PATJ: variants seen among roughly 807,000 people sequenced by gnomAD.
PATJ encodes PATJ crumbs cell polarity complex component, also known as inaD-like protein.
PATJ carries 190 observed loss-of-function variants against 224.9 expected under a neutral mutation model. That is an observed-to-expected ratio of 0.84 (90% CI 0.75 to 0.95). The LOEUF is 0.95. PATJ is among the 40% of genes least tolerant of loss of function. The pLI is 0.00. For missense variants in PATJ, 2,121 were observed against 2,270.3 expected (o/e 0.93, Z 1.34); for synonymous variants, 769 against 820.3 (o/e 0.94, Z 1.07).
intron 8 of PATJ, among the ~76,000 whole-genome samples, chr1:61,788,872 C>T (rs764727726): frequency 2.0e-5 from 3 of 152,188 alleles, no homozygotes; most frequent in Non-Finnish European, 4.4e-5. Flanking sequence ...TGGAGTTTCT[C>T]CATGTTGGTC....
At chr1:61,900,646 G>A (rs1477933545) in intron 23 of PATJ, among the ~76,000 whole-genome samples, 1 of 152,026 alleles carries the variant, frequency 6.6e-6, no homozygotes, top group Non-Finnish European at 1.5e-5. Context: ...CTGGAGTGCA[G>A]TGGCGCAATC....
At chr1:61,921,708 T>C (rs925961777) in intron 26 of PATJ, among the ~76,000 whole-genome samples, 6 of 152,088 alleles carry the variant, frequency 3.9e-5, no homozygotes, top group Admixed American at 6.6e-5. Flanking sequence ...TGGATGATTA[T>C]ATTTGTAAAA....
Position 61,959,426 on chromosome 1 carries a change from T to TTTTTTTC in PATJ, c.3671-30736_3671-30735insCTTTTTT, listed in dbSNP as rs1553221693. On this transcript the variant is annotated intron_variant, in intron 27 of 43. Transcript: ENST00000642238. ...ATATATATATTATATATATAATATA[T>TTTTTTTC]TTTTTTTCTTTTCTTTTTTTTTTTT... Among the ~76,000 whole-genome samples, 70 of 99,668 alleles carry TTTTTTTC rather than the reference T, an allele frequency of 7.0e-4. 1 individual carries two copies. Among genetic ancestry groups the TTTTTTTC allele is most frequent in the African/African-American group, 2.5e-3 (69 of 27,660 alleles). 65.4% of individuals were successfully genotyped at this position (99,668 alleles called of 152,430 possible).
intron 28 of PATJ, among the ~76,000 whole-genome samples, chr1:62,003,205 A>G (rs1645894179): frequency 1.3e-5 from 2 of 152,220 alleles, no homozygotes; most frequent in Non-Finnish European, 2.9e-5. Flanking sequence ...TCATTTGGTC[A>G]AGTGAAACAG....
intron 29 of PATJ, among the ~76,000 whole-genome samples, chr1:62,030,793 G>A (rs1271483077): frequency 1.3e-5 from 2 of 151,994 alleles, no homozygotes; most frequent in African/African-American, 4.8e-5. Flanking sequence ...TTTGTGTCTG[G>A]TTTCTTTCAT....
intron 31 of PATJ, among the ~76,000 whole-genome samples, chr1:62,067,444 G>A (rs1306368661): frequency 6.6e-6 from 1 of 152,018 alleles, no homozygotes; most frequent in African/African-American, 2.4e-5. Context: ...TCCTATTTTT[G>A]TGGCCTTTCA....
intron 13 of PATJ, among the ~76,000 whole-genome samples, 174 bp from the exon 14 acceptor site, chr1:61,808,300 A>G (rs1302203687): frequency 1.3e-5 from 2 of 152,198 alleles, no homozygotes; most frequent in Non-Finnish European, 2.9e-5. Flanking sequence ...AAAAAATCAA[A>G]TATACTCTGA....
At chr1:61,975,987 C>T (rs1318999833) in intron 27 of PATJ, among the ~76,000 whole-genome samples, 1 of 152,020 alleles carries the variant, frequency 6.6e-6, no homozygotes, top group East Asian at 1.9e-4. Flanking sequence ...AATTTTGCCT[C>T]TAATTTTTTC....
intron 9 of PATJ, among the ~76,000 whole-genome samples, chr1:61,794,891 A>G (rs7530529): frequency 0.38 from 57,883 of 151,694 alleles, 12,809 homozygotes; most frequent in South Asian, 0.56. Context: ...AGGAGGCAGG[A>G]GAATCACTTG....
At chr1:61,796,718 CTTTCTTTTTCTTTCTTTCTTTCT>C (rs1197159537) in intron 10 of PATJ, among the ~76,000 whole-genome samples, 528 of 36,132 alleles carry the variant, frequency 0.015, 1 homozygote, top group Non-Finnish European at 0.024. Flanking sequence ...TTCTTTCTTT[CTTTCTTTTTCTTTCTTTCTTTCT>C]TTTTTTTCTT....
At chr1:61,798,408 A>G (rs1651794961) in intron 11 of PATJ, among the ~76,000 whole-genome samples, 1 of 151,816 alleles carries the variant, frequency 6.6e-6, no homozygotes. Flanking sequence ...TGTGTTGCCC[A>G]TGCTAGTCTT....
intron 26 of PATJ, among the ~76,000 whole-genome samples, chr1:61,926,393 T>G (rs1675212630): frequency 6.6e-6 from 1 of 152,222 alleles, no homozygotes; most frequent in South Asian, 2.1e-4. Flanking sequence ...TTGCCTTAGA[T>G]GTAAAAAATT....
intron 7 of PATJ, among the ~76,000 whole-genome samples, chr1:61,787,462 C>T (rs1006252652): frequency 6.6e-6 from 1 of 152,224 alleles, no homozygotes; most frequent in Non-Finnish European, 1.5e-5. Context: ...TCCTTGCACA[C>T]GTGACCATTA....
chr1:61,825,729 C>A (rs1658133352), intron 15 of PATJ, among the ~76,000 whole-genome samples: 1 of 152,046 alleles, frequency 6.6e-6, no homozygotes, highest in Non-Finnish European at 1.5e-5. Context: ...GGAGACAATT[C>A]AAATGAATAA....
intron 11 of PATJ, 116 bp from the exon 12 acceptor site, chr1:61,801,507 A>G: frequency 1.9e-6 from 1 of 529,592 alleles, no homozygotes. Flanking sequence ...AAGGTTGTGA[A>G]ATGGGAGAAA....
chr1:62,059,918 T>A (rs1655143890), intron 31 of PATJ, among the ~76,000 whole-genome samples: 1 of 152,104 alleles, frequency 6.6e-6, no homozygotes, highest in South Asian at 2.1e-4. Context: ...CTCAGATGCA[T>A]CATGGGCAGC....
chr1:61,966,766 A>G (rs1682219192), intron 27 of PATJ, among the ~76,000 whole-genome samples: 1 of 151,774 alleles, frequency 6.6e-6, no homozygotes, highest in African/African-American at 2.4e-5. Context: ...CTGGTTGCCC[A>G]TTTTTATGGT....
At chr1:62,040,120 T>C (rs1387242921) in intron 30 of PATJ, among the ~76,000 whole-genome samples, 1 of 151,796 alleles carries the variant, frequency 6.6e-6, no homozygotes, top group African/African-American at 2.4e-5. Context: ...TTCCTTTTTT[T>C]TTTTTTTGAA....
intron 22 of PATJ, among the ~76,000 whole-genome samples, chr1:61,897,881 A>G (rs2498999): frequency 0.24 from 36,188 of 152,164 alleles, 4,966 homozygotes; most frequent in African/African-American, 0.37. Flanking sequence ...GATACTTTCA[A>G]TAATAAAAAT....
Sources: gnomAD v4.1 joint callset for allele counts (sites outside exome capture counted in the v4.1 genomes callset) on GRCh38, gnomAD v4.1.1 for gene constraint, MANE v1.5 for transcripts, NCBI Gene and HGNC (gene_info 2026-07-23, HGNC 2026-07-21) for gene names.